The following SF3B3 variants were observed in gnomAD, a reference collection of about 807,000 sequenced individuals.
The protein encoded by SF3B3 is splicing factor 3b subunit 3.
A neutral mutation model predicts 139.2 loss-of-function variants in SF3B3; 33 were observed. That is an observed-to-expected ratio of 0.24 (90% CI 0.18 to 0.32). The LOEUF (loss-of-function observed/expected upper bound fraction) is 0.32, where lower values mean the gene tolerates loss of function less well. Among genes scored for constraint, SF3B3 ranks in the 10% least tolerant of loss-of-function variants. SF3B3 has a pLI of 1.00. For synonymous variants in SF3B3, 596 were observed against 563.6 expected (o/e 1.06, Z -0.81); for missense variants, 818 against 1,509.4 (o/e 0.54, Z 7.59).
intron 2 of SF3B3, among the ~76,000 whole-genome samples, chr16:70,528,096 A>C (rs2050082005): frequency 2.0e-5 from 3 of 149,326 alleles, no homozygotes; most frequent in Admixed American, 6.7e-5. Flanking sequence ...TTTAATACTA[A>C]TTTTATCTTT....
intron 21 of SF3B3, 146 bp from the exon 22 acceptor site, chr16:70,568,137 T>TC (rs2050494694): frequency 6.0e-6 from 4 of 671,094 alleles, no homozygotes; most frequent in Non-Finnish European, 1.1e-5. Flanking sequence ...GGCTCTTTTT[T>TC]CCCACCTAGA....
chr16:70,524,152 C>T (rs746936037), intron 1 of SF3B3: 8 of 321,102 alleles, frequency 2.5e-5, no homozygotes, highest in Non-Finnish European at 3.4e-5. Context: ...AAATAGGGCT[C>T]GTGGAGATTG....
At chr16:70,527,597 G>T (rs1009964650) in intron 2 of SF3B3, among the ~76,000 whole-genome samples, 2 of 152,060 alleles carry the variant, frequency 1.3e-5, no homozygotes, top group African/African-American at 4.8e-5. Flanking sequence ...TCTTCATTTG[G>T]GTAATTTAGT....
At chr16:70,558,397 G>A (rs2050398123) in intron 15 of SF3B3, among the ~76,000 whole-genome samples, 1 of 151,752 alleles carries the variant, frequency 6.6e-6, no homozygotes, top group Non-Finnish European at 1.5e-5. Context: ...GGGAATGCAG[G>A]CATGAACCAC....
chr16:70,534,918 G>C (rs1354443171), intron 5 of SF3B3, among the ~76,000 whole-genome samples: 1 of 152,082 alleles, frequency 6.6e-6, no homozygotes, highest in Non-Finnish European at 1.5e-5. Context: ...ATCTGCCTTT[G>C]GTCTCCCAAA....
intron 2 of SF3B3, among the ~76,000 whole-genome samples, chr16:70,527,186 G>A (rs372037238): frequency 1.3e-5 from 2 of 152,356 alleles, no homozygotes; most frequent in South Asian, 2.1e-4. Flanking sequence ...TGCAGTTTAG[G>A]TAGGGAGTGC....
At chr16:70,524,673 C>G (rs1289468641) in intron 1 of SF3B3, 2 of 151,828 alleles carry the variant, frequency 1.3e-5, no homozygotes, top group Non-Finnish European at 2.9e-5. Flanking sequence ...CGCGTGCCAC[C>G]ACGCCCGGCT....
At chr16:70,563,684 G>A in intron 17 of SF3B3, 192 bp from the exon 18 acceptor site, 1 of 554,582 alleles carries the variant, frequency 1.8e-6, no homozygotes, top group Non-Finnish European at 3.2e-6. Flanking sequence ...TTGCCAAATG[G>A]GAAGGCCCTT....
intron 10 of SF3B3, among the ~76,000 whole-genome samples, chr16:70,546,116 G>A (rs1445892031): frequency 1.3e-5 from 2 of 152,126 alleles, no homozygotes; most frequent in Admixed American, 6.5e-5. Context: ...ACAGGTGTGC[G>A]CCATCACGCT....
In SF3B3 at chr16:70,576,914, G is replaced by C. The variant is rs903394791; in HGVS notation, c.*5101G>C. The C allele has an allele frequency of 1.3e-5, 2 of 152,452 alleles. No individual in the cohort carries two copies. Among genetic ancestry groups the C allele is most frequent in the African/African-American group, 4.8e-5 (2 of 41,412 alleles). The allele number at this position is 152,452 out of a possible 1,614,324, so 9.4% of individuals were successfully genotyped here. ...AGAGGCTGAGGCAGGAGGATCCCTT[G>C]AGCCCAGGAGTTTGAGACCAGCCTG... On this transcript the variant is annotated 3_prime_UTR_variant, in exon 26 of 26. Coordinates refer to ENST00000302516, the MANE Select transcript of SF3B3 (RefSeq NM_012426.5).
At chr16:70,549,664 G>A (rs1042443333) in intron 11 of SF3B3, among the ~76,000 whole-genome samples, 21 of 152,208 alleles carry the variant, frequency 1.4e-4, no homozygotes, top group African/African-American at 5.1e-4. Context: ...GGTGGCTCAT[G>A]CCTGTAATCC....
intron 1 of SF3B3, chr16:70,524,170 C>T (rs527947739): frequency 4.9e-4 from 138 of 282,296 alleles, no homozygotes; most frequent in African/African-American, 2.6e-3. Flanking sequence ...TTGCTTTTAA[C>T]TTCTGGGGAC....
At chr16:70,554,685 C>T (rs986396405) in intron 12 of SF3B3, 88 bp downstream of exon 12, 1 of 1,346,636 alleles carries the variant, frequency 7.4e-7, no homozygotes, top group South Asian at 1.3e-5. Flanking sequence ...CATGTCTCTT[C>T]ACCCTCACCT....
intron 8 of SF3B3, among the ~76,000 whole-genome samples, chr16:70,540,610 A>G (rs928815062): frequency 6.6e-6 from 1 of 152,172 alleles, no homozygotes; most frequent in Non-Finnish European, 1.5e-5. Flanking sequence ...AATCCAAGCA[A>G]TCCACCTGCC....
Position 70,567,669 on chromosome 16 carries a change from G to C in SF3B3, c.2952+133G>C, listed in dbSNP as rs572565137. 1.9e-5 allele frequency: 21 copies of C among 1,115,860 alleles called. No individual in the cohort carries two copies. The African/African-American group carries it at 2.2e-4, about 12-fold the overall frequency. 69.1% of individuals were successfully genotyped at this position (1,115,860 alleles called of 1,614,324 possible). A position where few individuals can be genotyped will look rare whatever the true frequency, so the allele number is the denominator to read the frequency against. Reference sequence around the variant, plus strand: ...TTGTGTTACCCCAATTCCAGCTTCAGAATTATGCCCTTGTTTTTTTGTTTT... The same window carrying C: ...TTGTGTTACCCCAATTCCAGCTTCACAATTATGCCCTTGTTTTTTTGTTTT... On this transcript the variant is annotated intron_variant, in intron 21 of 25. Coordinates refer to ENST00000302516, the MANE Select transcript of SF3B3 (RefSeq NM_012426.5).
chr16:70,556,275 C>T lies in SF3B3; in HGVS notation c.1807C>T (p.Arg603Cys). 1 of 1,614,200 alleles carries T rather than the reference C, an allele frequency of 6.2e-7. No homozygotes were observed. Among genetic ancestry groups the T allele is most frequent in the Non-Finnish European group, 8.5e-7 (1 of 1,180,036 alleles). ...TGTACCCCCTGGAGAGCAGCGGTCT[C>T]GCTTCCTGGCTGTGGGGCTTGTGGA... The part of the protein sequence containing the change: ...ANVPPGEQRS[R>C]FLAVGLVDNT... The change falls in exon 14 of 26, where the codon CGC becomes TGC. Residue 603 changes from arginine (R) to cysteine (C), a missense_variant. Around this residue, in one of 14 missense-constraint regions of SF3B3, gnomAD observed 170 missense variants for 353.0 expected, o/e 0.48. Coordinates refer to ENST00000302516, the MANE Select transcript of SF3B3 (RefSeq NM_012426.5).
chr16:70,532,646 T>TA (rs747941003), intron 5 of SF3B3, 26 bp downstream of exon 5: 23 of 1,611,782 alleles, frequency 1.4e-5, no homozygotes, highest in Non-Finnish European at 1.7e-6. Flanking sequence ...AGCTGCTTTG[T>TA]ACCCTTTTAC....
chr16:70,547,268 A>G (rs2050277812), intron 10 of SF3B3, among the ~76,000 whole-genome samples: 2 of 152,336 alleles, frequency 1.3e-5, no homozygotes, highest in East Asian at 3.9e-4. Context: ...GTGAATATAC[A>G]TGAATTCTTC....
At position 70,538,776 on chromosome 16, in the gene SF3B3, A is replaced by G. The variant is rs142879878; in HGVS notation, c.963+316A>G. 7.7e-3 allele frequency among the ~76,000 whole-genome samples: 1,176 copies of G among 152,322 alleles called. 17 individuals carry two copies. The highest frequency in any genetic ancestry group is 0.026 in the African/African-American group (1,098 of 41,564). Reference sequence around the variant, plus strand: ...CATGATCTGTTACTTGTTTTATCCTATGGACGAGCTCTGTGAGTTGTTGGG... The same window carrying G: ...CATGATCTGTTACTTGTTTTATCCTGTGGACGAGCTCTGTGAGTTGTTGGG... On this transcript the variant is annotated intron_variant, in intron 7 of 25. Coordinates refer to ENST00000302516, the MANE Select transcript of SF3B3 (RefSeq NM_012426.5).
Sources: gnomAD v4.1 joint callset for allele counts (sites outside exome capture counted in the v4.1 genomes callset) on GRCh38, gnomAD v4.1.1 for gene constraint, gnomAD v4.1.1 regional missense constraint, MANE v1.5 for transcripts, NCBI Gene and HGNC (gene_info 2026-07-23, HGNC 2026-07-21) for gene names.